The following DPP6 variants were observed in gnomAD, a reference collection of about 807,000 sequenced individuals.
The protein encoded by DPP6 is dipeptidyl peptidase like 6, also known as A-type potassium channel modulatory protein DPP6.
DPP6 carries 69 observed loss-of-function variants against 122.6 expected under a neutral mutation model. The observed-to-expected ratio is 0.56, with a 90% CI of 0.46 to 0.69. The LOEUF (loss-of-function observed/expected upper bound fraction) is 0.69. Among genes scored for constraint, DPP6 ranks in the 30% least tolerant of loss-of-function variants. The pLI is 0.00. For synonymous variants in DPP6, 418 were observed against 433.1 expected, an observed-to-expected ratio of 0.97 and a Z score of 0.43; for missense variants, 928 against 1,116.9, an observed-to-expected ratio of 0.83 and a Z score of 2.41.
At chr7:153,857,822 T>C in the DPP6 span, among the ~76,000 whole-genome samples, 1 of 152,220 alleles carries the variant, frequency 6.6e-6, no homozygotes. Context: ...AAAACCTCTT[T>C]AAGAACACCA....
At chr7:154,360,441 C>G (rs556548945) in intron 1 of DPP6, among the ~76,000 whole-genome samples, 1 of 152,300 alleles carries the variant, frequency 6.6e-6, no homozygotes, top group South Asian at 2.1e-4. Flanking sequence ...CCAGCTTGAC[C>G]TCAAACCCGT....
At chr7:154,065,670 C>A (rs1232935211) in intron 1 of DPP6, among the ~76,000 whole-genome samples, 2 of 152,060 alleles carry the variant, frequency 1.3e-5, no homozygotes, top group African/African-American at 2.4e-5. Flanking sequence ...AAATTAGGAC[C>A]AGGCCAATGG....
Position 154,875,875 on chromosome 7 carries a change from A to C in DPP6, c.1884-31A>C. 6.3e-7 allele frequency: 1 copy of C among 1,587,090 alleles called. No homozygotes were observed. The highest frequency in any genetic ancestry group is 8.6e-7 in the Non-Finnish European group (1 of 1,167,696). ...GACCAGCCGCCACCCACCACGCAGC[A>C]GGCCTGCTGAGCCCGGGATTCTCTT... On this transcript the variant is annotated intron_variant, in intron 19 of 25. Coordinates refer to ENST00000377770, the MANE Select transcript of DPP6 (RefSeq NM_130797.4). The surrounding 1 kb of genome is among the most constrained non-coding windows in gnomAD (Gnocchi z 4.5).
chr7:154,545,847 T>A (rs1472183463), intron 4 of DPP6, among the ~76,000 whole-genome samples: 2 of 152,236 alleles, frequency 1.3e-5, no homozygotes, highest in African/African-American at 4.8e-5. Context: ...AGTCACTGTA[T>A]TGACCTGTGT....
chr7:154,857,570 T>C (rs1802947312), intron 17 of DPP6, among the ~76,000 whole-genome samples: 1 of 152,194 alleles, frequency 6.6e-6, no homozygotes. Flanking sequence ...TCACAGCCCA[T>C]CTCCAACCCA....
intron 1 of DPP6, among the ~76,000 whole-genome samples, chr7:154,114,027 A>G (rs1012259135): frequency 6.6e-6 from 1 of 151,970 alleles, no homozygotes; most frequent in African/African-American, 2.4e-5. Flanking sequence ...AAAAGATAAA[A>G]TTATTTCTAT....
chr7:153,950,487 T>C (rs72617386), intron 1 of DPP6, among the ~76,000 whole-genome samples: 42,765 of 152,008 alleles, frequency 0.28, 6,515 homozygotes, highest in East Asian at 0.59. Flanking sequence ...CGATCACATA[T>C]GCTTGTTAGA....
intron 2 of DPP6, among the ~76,000 whole-genome samples, chr7:154,455,330 T>C (rs1271225802): frequency 3.3e-5 from 5 of 152,164 alleles, no homozygotes; most frequent in Non-Finnish European, 7.4e-5. Flanking sequence ...CAGGCTCTGC[T>C]GAGTCAGAAG....
chr7:154,502,513 T>C (rs1314968935), intron 3 of DPP6, among the ~76,000 whole-genome samples: 2 of 151,900 alleles, frequency 1.3e-5, no homozygotes, highest in East Asian at 3.9e-4. Context: ...GATCTGAGGG[T>C]TTTAAAAAGG....
At chr7:154,310,987 A>C (rs1806822423) in intron 1 of DPP6, among the ~76,000 whole-genome samples, 1 of 152,228 alleles carries the variant, frequency 6.6e-6, no homozygotes, top group South Asian at 2.1e-4. Flanking sequence ...CCAGAGTTCT[A>C]AAACCTGAGG....
chr7:154,423,711 C>G (rs1022358516), intron 1 of DPP6, among the ~76,000 whole-genome samples: 3 of 152,202 alleles, frequency 2.0e-5, no homozygotes, highest in Admixed American at 6.5e-5. Context: ...TGTCAAGGAA[C>G]AGTTTTATTG....
chr7:154,300,263 G>A (rs148897083), intron 1 of DPP6, among the ~76,000 whole-genome samples: 107 of 152,358 alleles, frequency 7.0e-4, no homozygotes, highest in Non-Finnish European at 1.4e-3. Context: ...TCTTGGCTGA[G>A]CATCAGGCTC....
intron 1 of DPP6, among the ~76,000 whole-genome samples, chr7:154,175,721 C>CTTTT (rs34496609): frequency 2.2e-5 from 3 of 135,910 alleles, no homozygotes; most frequent in Admixed American, 7.4e-5. Context: ...TGGAGACTGG[C>CTTTT]TTTTTTTTTT....
At chr7:153,792,502 G>C in the DPP6 span, among the ~76,000 whole-genome samples, 13,522 of 151,830 alleles carry the variant, frequency 0.089, 521 homozygotes, top group African/African-American at 0.18. Context: ...TTTGTGAAAA[G>C]GCTTTTTTAG....
intron 1 of DPP6, among the ~76,000 whole-genome samples, chr7:154,290,119 A>G (rs1321923407): frequency 2.2e-4 from 34 of 152,232 alleles, no homozygotes; most frequent in Admixed American, 2.2e-3. Context: ...GGTAAAAACA[A>G]GGGACAAATG....
At chr7:154,119,405 G>A (rs1380664218) in intron 1 of DPP6, among the ~76,000 whole-genome samples, 2 of 152,090 alleles carry the variant, frequency 1.3e-5, no homozygotes, top group Admixed American at 1.3e-4. Flanking sequence ...CAATTTGGCA[G>A]AGAGGAAGAC....
At chr7:153,914,919 TG>T (rs1478267108) in intron 1 of DPP6, among the ~76,000 whole-genome samples, 1 of 152,244 alleles carries the variant, frequency 6.6e-6, no homozygotes, top group African/African-American at 2.4e-5. Context: ...CATCCATAAC[TG>T]GGTCTGAACT....
chr7:154,630,584 TG>T (rs1835345676), intron 5 of DPP6, among the ~76,000 whole-genome samples: 1 of 152,208 alleles, frequency 6.6e-6, no homozygotes. Flanking sequence ...GTTTGTTGGC[TG>T]CATAAATGTC....
intron 1 of DPP6, among the ~76,000 whole-genome samples, chr7:153,964,443 T>C (rs554987154): frequency 6.6e-6 from 1 of 152,268 alleles, no homozygotes; most frequent in African/African-American, 2.4e-5. Context: ...TCATGTCTCC[T>C]AGCAGCACTG....
Sources: allele counts gnomAD v4.1 joint callset (sites outside exome capture counted in the v4.1 genomes callset), GRCh38; gene constraint gnomAD v4.1.1; non-coding constraint Gnocchi (gnomAD v3.1); transcripts MANE v1.5; gene names NCBI Gene and HGNC (gene_info 2026-07-23, HGNC 2026-07-21).